GPATCH2: variants seen among roughly 807,000 people sequenced by gnomAD.
The protein encoded by GPATCH2 is G patch domain-containing protein 2.
Under a neutral mutation model 58.0 loss-of-function variants are expected in GPATCH2, and 51 were observed. The observed-to-expected ratio is 0.88, with a 90% CI of 0.70 to 1.11. The LOEUF (loss-of-function observed/expected upper bound fraction) is 1.11, where lower values mean the gene tolerates loss of function less well. Ranked by LOEUF, GPATCH2 falls within the 50% of genes most tolerant of loss-of-function variation. GPATCH2 has a pLI of 0.00. For missense variants in GPATCH2, 625 were observed against 652.2 expected, an observed-to-expected ratio of 0.96 and a Z score of 0.45; for synonymous variants, 222 against 218.5, an observed-to-expected ratio of 1.02 and a Z score of -0.14.
chr1:217,524,042 C>G (rs1179816264), intron 5 of GPATCH2, among the ~76,000 whole-genome samples: 21 of 147,456 alleles, frequency 1.4e-4, no homozygotes, highest in African/African-American at 4.3e-4. Flanking sequence ...AGGTGCCCCT[C>G]ACCTCCCGGA....
rs764322219 is a variant in GPATCH2, at chr1:217,610,305, GA to G, written c.1098+15del. On this transcript the variant is annotated intron_variant, in intron 5 of 9. Transcript: ENST00000366935. ...CATTTCCAAACATGACAATTACACA[GA>G]AAAAGTATGCCTACCATTGAAGTTG... 9.8e-6 allele frequency: 15 copies of G among 1,537,292 alleles called. No homozygotes were observed. In the East Asian group the frequency reaches 2.9e-4, roughly 30 times the overall value.
At chr1:217,515,691 G>C (rs1007325049) in intron 5 of GPATCH2, among the ~76,000 whole-genome samples, 2 of 150,538 alleles carry the variant, frequency 1.3e-5, no homozygotes, top group Non-Finnish European at 2.9e-5. Context: ...CTGGGTGACA[G>C]AGCAAGACTC....
Position 217,524,283 on chromosome 1 carries a change from C to T in GPATCH2, c.1099-9394G>A, listed in dbSNP as rs527592386. ...GACGGGGCGGCCGGGCAGAGACGCT[C>T]CTCACTTCCTAGATGGGATGGCGGC... On this transcript the variant is annotated intron_variant, in intron 5 of 9. Transcript: ENST00000366935. Among the ~76,000 whole-genome samples the T allele has an allele frequency of 8.8e-3, 1,324 of 149,798 alleles. 4 individuals are homozygous for T. The highest frequency in any genetic ancestry group is 0.038 in the Middle Eastern group (11 of 288).
intron 5 of GPATCH2, among the ~76,000 whole-genome samples, chr1:217,571,781 T>C (rs1259841228): frequency 6.7e-6 from 1 of 148,350 alleles, no homozygotes; most frequent in Non-Finnish European, 1.5e-5. Flanking sequence ...TAGTCCCAGC[T>C]ACTTGGAAGG....
At chr1:217,560,567 A>C (rs1477725576) in intron 5 of GPATCH2, among the ~76,000 whole-genome samples, 1 of 152,228 alleles carries the variant, frequency 6.6e-6, no homozygotes, top group African/African-American at 2.4e-5. Context: ...TTATCAAATA[A>C]AACATTAAGT....
intron 5 of GPATCH2, among the ~76,000 whole-genome samples, chr1:217,523,748 G>A (rs1458050121): frequency 2.0e-5 from 3 of 149,474 alleles, no homozygotes; most frequent in Non-Finnish European, 3.0e-5. Context: ...CAGTAGGGGC[G>A]GCCGGGCAGA....
intron 8 of GPATCH2, among the ~76,000 whole-genome samples, chr1:217,466,864 A>T (rs553693976): frequency 4.3e-4 from 65 of 152,266 alleles, no homozygotes; most frequent in Non-Finnish European, 7.9e-4. Flanking sequence ...AAAAACAGGG[A>T]AACAAAAGCC....
chr1:217,602,601 G>C (rs993347325), intron 5 of GPATCH2, among the ~76,000 whole-genome samples: 1 of 152,116 alleles, frequency 6.6e-6, no homozygotes, highest in East Asian at 1.9e-4. Flanking sequence ...GACCATGGAG[G>C]TCAGGCAGGG....
chr1:217,483,195 G>A (rs1303346445), intron 8 of GPATCH2, among the ~76,000 whole-genome samples: 1 of 152,004 alleles, frequency 6.6e-6, no homozygotes, highest in Non-Finnish European at 1.5e-5. Flanking sequence ...TTGTTTGTTT[G>A]TTTGAGACAG....
intron 6 of GPATCH2, among the ~76,000 whole-genome samples, chr1:217,505,952 G>C (rs1286378290): frequency 1.3e-5 from 2 of 152,070 alleles, no homozygotes; most frequent in Admixed American, 1.3e-4. Context: ...CCTCCCAACT[G>C]GTTGGGATTA....
At chr1:217,520,874 T>C (rs1253528302) in intron 5 of GPATCH2, among the ~76,000 whole-genome samples, 1 of 152,224 alleles carries the variant, frequency 6.6e-6, no homozygotes, top group East Asian at 1.9e-4. Flanking sequence ...TCTTGTTCTG[T>C]TGCCCAAGCG....
At chr1:217,572,174 A>G (rs1434513098) in intron 5 of GPATCH2, among the ~76,000 whole-genome samples, 1 of 152,172 alleles carries the variant, frequency 6.6e-6, no homozygotes, top group African/African-American at 2.4e-5. Context: ...CTTACAGGCA[A>G]AAAGACTGAG....
rs770048745 is a variant in GPATCH2, at chr1:217,431,484, G to T, written c.1367-119C>A. 4.5e-6 allele frequency: 3 copies of T among 664,614 alleles called. No homozygotes were observed. The South Asian group carries it at 5.3e-5, about 12-fold the overall frequency. The allele number at this position is 664,614 out of a possible 1,614,324, so 41.2% of individuals were successfully genotyped here. On this transcript the variant is annotated intron_variant, in intron 9 of 9. Transcript: ENST00000366935. The stretch of plus-strand genomic sequence containing the variant: ...TTTTGTTTTTCAACCAGGTACTAGA[G>T]GGGGTTGCGTATTCATCTTTGGATA...
chr1:217,450,287 T>C (rs576982134), intron 8 of GPATCH2, among the ~76,000 whole-genome samples: 5 of 152,152 alleles, frequency 3.3e-5, no homozygotes, highest in Admixed American at 6.5e-5. Flanking sequence ...TATCTGACAG[T>C]ATCTTGAGGT....
chr1:217,624,972 C>T lies in GPATCH2; in HGVS notation c.57-4473G>A, dbSNP rs1484769356. ...AACAAAATTATGGCCCCAACATCTACATAAAGTTGGATTTTATGAAAGGAA... is the reference window on the plus strand; with the variant it reads ...AACAAAATTATGGCCCCAACATCTATATAAAGTTGGATTTTATGAAAGGAA... On this transcript the variant is annotated intron_variant, in intron 1 of 9. Coordinates refer to ENST00000366935, the MANE Select transcript of GPATCH2 (RefSeq NM_018040.5). 2.6e-5 allele frequency among the ~76,000 whole-genome samples: 4 copies of T among 152,146 alleles called. No individual in the cohort carries two copies. In the South Asian group the frequency reaches 6.2e-4, roughly 24 times the overall value.
chr1:217,616,854 T>C (rs1668911122), intron 2 of GPATCH2, among the ~76,000 whole-genome samples: 2 of 152,162 alleles, frequency 1.3e-5, no homozygotes, highest in South Asian at 4.1e-4. Context: ...TCAATTCCTA[T>C]ATTTTCCGTA....
At chr1:217,458,558 T>C (rs1660062188) in intron 8 of GPATCH2, among the ~76,000 whole-genome samples, 1 of 152,188 alleles carries the variant, frequency 6.6e-6, no homozygotes, top group South Asian at 2.1e-4. Flanking sequence ...TATCTTAGCT[T>C]ACATCATGCC....
intron 8 of GPATCH2, among the ~76,000 whole-genome samples, chr1:217,484,777 T>C (rs1661384287): frequency 1.3e-5 from 2 of 150,666 alleles, no homozygotes; most frequent in South Asian, 4.2e-4. Context: ...ATAGGATGGA[T>C]ATATATCTAT....
intron 5 of GPATCH2, among the ~76,000 whole-genome samples, chr1:217,549,872 ATTTAG>A (rs1665262676): frequency 6.6e-6 from 1 of 152,206 alleles, no homozygotes; most frequent in Admixed American, 6.5e-5. Flanking sequence ...TTAGGTTCAC[ATTTAG>A]ATTTGCTCTT....
Sources: allele counts gnomAD v4.1 joint callset (sites outside exome capture counted in the v4.1 genomes callset), GRCh38; gene constraint gnomAD v4.1.1; transcripts MANE v1.5; gene names NCBI Gene and HGNC (gene_info 2026-07-23, HGNC 2026-07-21).